SCARF1: variants seen among roughly 807,000 people sequenced by gnomAD.
SCARF1 encodes the protein scavenger receptor class F member 1.
Under a neutral mutation model 76.3 loss-of-function variants are expected in SCARF1, and 49 were observed. The observed-to-expected ratio is 0.64, with a 90% CI of 0.51 to 0.81. The LOEUF is 0.81. Ranked by LOEUF, SCARF1 falls within the 40% of genes least tolerant of loss-of-function variation. SCARF1 has a pLI of 0.00. For synonymous variants in SCARF1, 495 were observed against 474.6 expected (o/e 1.04, Z -0.56); for missense variants, 1,098 against 1,143.9 (o/e 0.96, Z 0.58).
rs574055670 is a variant in SCARF1, at chr17:1,639,378, G to A, written c.1243+261C>T. Among the ~76,000 whole-genome samples, 9 of 152,244 alleles carry A rather than the reference G, an allele frequency of 5.9e-5. No homozygotes were observed. The South Asian group carries it at 1.5e-3, about 25-fold the overall frequency. On this transcript the variant is annotated intron_variant, in intron 7 of 10. Transcript: ENST00000263071. ...AAATTAGCCAGGCATGGAGGCGTGCGCCTGTAATCCCAGCTACTCGAGAGG... is the reference window on the plus strand; with the variant it reads ...AAATTAGCCAGGCATGGAGGCGTGCACCTGTAATCCCAGCTACTCGAGAGG...
In SCARF1 at chr17:1,645,025, C is replaced by G. The variant is rs981301461; in HGVS notation, c.164-90G>C. 9 of 1,529,920 alleles carry G rather than the reference C, an allele frequency of 5.9e-6. No individual in the cohort carries two copies. In the African/African-American group the frequency reaches 1.2e-4, roughly 21 times the overall value. The allele number at this position is 1,529,920 out of a possible 1,614,324, so 94.8% of individuals were successfully genotyped here. ...ACTGGCTCCAGGGGCCATGCCTCCT[C>G]AAGAGGTGCCCCTTCAGGCCTGGGG... On this transcript the variant is annotated intron_variant, in intron 2 of 10. Transcript: ENST00000263071. This position sits in a 1 kb window ranked among gnomAD's most constrained non-coding sequence, Gnocchi z 6.3.
Position 1,645,551 on chromosome 17 carries a change from G to A in SCARF1, c.101+46C>T, listed in dbSNP as rs764814275. ...TCAGCCACCCGCATCAGACTCCCACGAGACCCACCTGCTGGCCACACGCAT... is the reference window on the plus strand; with the variant it reads ...TCAGCCACCCGCATCAGACTCCCACAAGACCCACCTGCTGGCCACACGCAT... On this transcript the variant is annotated intron_variant, in intron 1 of 10. Transcript: ENST00000263071. This position sits in a 1 kb window ranked among gnomAD's most constrained non-coding sequence, Gnocchi z 6.3. 3.8e-6 allele frequency: 6 copies of A among 1,579,432 alleles called. No homozygotes were observed. The highest frequency in any genetic ancestry group is 2.3e-5 in the South Asian group (2 of 88,080).
chr17:1,639,335 G>T (rs901761689), intron 7 of SCARF1, among the ~76,000 whole-genome samples: 4 of 152,132 alleles, frequency 2.6e-5, no homozygotes, highest in African/African-American at 9.7e-5. Context: ...GTGAAACCCT[G>T]TCTCTACTAA....
chr17:1,645,570 C>G lies in SCARF1; in HGVS notation c.101+27G>C. On this transcript the variant is annotated intron_variant, in intron 1 of 10. Coordinates refer to ENST00000263071, the MANE Select transcript of SCARF1 (RefSeq NM_003693.4). The surrounding 1 kb of genome is among the most constrained non-coding windows in gnomAD (Gnocchi z 6.3). ...TCCCACGAGACCCACCTGCTGGCCACACGCATCAGACTCCCACGAGACCCA... is the reference window on the plus strand; with the variant it reads ...TCCCACGAGACCCACCTGCTGGCCAGACGCATCAGACTCCCACGAGACCCA... 1 of 1,593,870 alleles carries G rather than the reference C, an allele frequency of 6.3e-7. No homozygotes were observed. Among genetic ancestry groups the G allele is most frequent in the Non-Finnish European group, 8.5e-7 (1 of 1,174,362 alleles).
chr17:1,636,815 G>T lies in SCARF1; in HGVS notation c.1527C>A (p.Phe509Leu), dbSNP rs1325716703. The T allele has an allele frequency of 1.2e-6, 2 of 1,613,998 alleles. No homozygotes were observed. Among genetic ancestry groups the T allele is most frequent in the Non-Finnish European group, 1.7e-6 (2 of 1,179,994 alleles). Reference sequence around the variant, plus strand: ...CCCAGCCGGCAGAGGGCGGCTCGATGAAGCTGTGGTTGAAGGGGACCTCCG... The same window carrying T: ...CCCAGCCGGCAGAGGGCGGCTCGATTAAGCTGTGGTTGAAGGGGACCTCCG... ...HDPEVPFNHS[F>L]IEPPSAGWAT... is the part of the protein sequence containing the mutation. The change falls in exon 10 of 11, where the codon TTC (phenylalanine) becomes TTA (leucine). Residue 509 changes from phenylalanine to leucine, a missense_variant. Coordinates refer to ENST00000263071, the MANE Select transcript of SCARF1 (RefSeq NM_003693.4).
Position 1,645,218 on chromosome 17 carries a change from G to T in SCARF1, c.123C>A (p.Cys41Ter). Residue 41 changes from cysteine to a stop codon, truncating the protein, a stop_gained, in exon 2 of 11, where the codon TGC (cysteine) becomes TGA (stop). Transcript: ENST00000263071. LOFTEE classifies it high-confidence loss of function. The surrounding 1 kb of genome is among the most constrained non-coding windows in gnomAD (Gnocchi z 6.3). ...VASSPSAELQ[C>*]CAGWRQKDQE... is the part of the protein sequence containing the mutation. ...GATCCTTCTGCCTCCAGCCTGCGCAGCACTGCAGCTCAGCAGAGGGGCTGT... is the reference window on the plus strand; with the variant it reads ...GATCCTTCTGCCTCCAGCCTGCGCATCACTGCAGCTCAGCAGAGGGGCTGT... 6.2e-7 allele frequency: 1 copy of T among 1,613,582 alleles called. No homozygotes were observed. The highest frequency in any genetic ancestry group is 8.5e-7 in the Non-Finnish European group (1 of 1,179,978).
Position 1,635,159 on chromosome 17 carries a change from G to C in SCARF1, c.2092C>G (p.Pro698Ala). 1 of 1,613,506 alleles carries C rather than the reference G, an allele frequency of 6.2e-7. No individual in the cohort carries two copies. The highest frequency in any genetic ancestry group is 8.5e-7 in the Non-Finnish European group (1 of 1,180,012). ...CGGACAGGGCCTTCGGATCCGCGGG[G>C]CTTCCCTGCCAGCATGTAGATCGTG... ...VTTIYMLAGK[P>A]RGSEGPVRSV... The change falls in exon 11 of 11, where the codon CCC becomes GCC. Residue 698 changes from proline (P) to alanine (A), a missense_variant. Pro to Ala is a conservative substitution (Grantham distance 27). Transcript: ENST00000263071.
chr17:1,645,530 C>T lies in SCARF1; in HGVS notation c.101+67G>A. ...CCTAACGGCCTCAACACCGGTTCAGCCACCCGCATCAGACTCCCACGAGAC... is the reference window on the plus strand; with the variant it reads ...CCTAACGGCCTCAACACCGGTTCAGTCACCCGCATCAGACTCCCACGAGAC... On this transcript the variant is annotated intron_variant, in intron 1 of 10. Transcript: ENST00000263071. This position sits in a 1 kb window ranked among gnomAD's most constrained non-coding sequence, Gnocchi z 6.3. The T allele has an allele frequency of 6.4e-7, 1 of 1,558,678 alleles. No individual in the cohort carries two copies. The highest frequency in any genetic ancestry group is 8.6e-7 in the Non-Finnish European group (1 of 1,158,698).
In SCARF1 at chr17:1,634,891, G is replaced by A. The variant is rs774498375; in HGVS notation, c.2360C>T (p.Ser787Leu). ...AGAGACTGGCTCCTGGGCTCTCCTT[G>A]AACTCTCGGTGCCAGCCCCCAGCCC... ...VRGLGAGTES[S>L]RRAQEPVSGC... Residue 787 changes from serine to leucine, a missense_variant, in exon 11 of 11, where the codon TCA becomes TTA. Transcript: ENST00000263071. The A allele has an allele frequency of 6.2e-7, 1 of 1,613,814 alleles. No homozygotes were observed. The highest frequency in any genetic ancestry group is 1.6e-4 in the Middle Eastern group (1 of 6,062).
intron 10 of SCARF1, among the ~76,000 whole-genome samples, 160 bp from the exon 11 acceptor site, chr17:1,635,777 C>A (rs536159476): frequency 2.4e-5 from 2 of 82,796 alleles, no homozygotes; most frequent in South Asian, 1.2e-3. Flanking sequence ...GACACTGTTA[C>A]TTCTACACTT....
In SCARF1 at chr17:1,635,113, C is replaced by A. The variant is rs765884105; in HGVS notation, c.2138G>T (p.Gly713Val). 1.2e-6 allele frequency: 2 copies of A among 1,613,906 alleles called. No homozygotes were observed. The highest frequency in any genetic ancestry group is 3.3e-5 in the Admixed American group (2 of 60,034). The change falls in exon 11 of 11, where the codon GGT (glycine) becomes GTT (valine). Residue 713 changes from glycine to valine, a missense_variant. By Grantham distance (109) the Gly-to-Val change is moderately radical. Transcript: ENST00000263071. The stretch of plus-strand genomic sequence containing the variant: ...TTCCGCCTGGCCTTTCTGGAAGCTA[C>A]CAAAATGGCGGAAGACAGAGCGGAC... Reference protein sequence around the residue: ...GPVRSVFRHFGSFQKGQAEAK... With the variant: ...GPVRSVFRHFVSFQKGQAEAK...
In SCARF1 at chr17:1,645,232, C is replaced by G; in HGVS notation, c.109G>C (p.Ala37Pro). 6.2e-7 allele frequency: 1 copy of G among 1,613,322 alleles called. No homozygotes were observed. The highest frequency in any genetic ancestry group is 8.5e-7 in the Non-Finnish European group (1 of 1,179,950). Residue 37 changes from alanine (A) to proline (P), a missense_variant, in exon 2 of 11, where the codon GCT becomes CCT. By Grantham distance (27) the Ala-to-Pro change is conservative. Transcript: ENST00000263071. The surrounding 1 kb of genome is among the most constrained non-coding windows in gnomAD (Gnocchi z 6.3). Reference protein sequence around the residue: ...QHVCVASSPSAELQCCAGWRQ... With the variant: ...QHVCVASSPSPELQCCAGWRQ... ...CAGCCTGCGCAGCACTGCAGCTCAG[C>G]AGAGGGGCTGTGGGGCAAAAAGGGG...
intron 8 of SCARF1, chr17:1,638,310 TAAACCA>T (rs1053674612): frequency 2.0e-5 from 3 of 152,870 alleles, no homozygotes; most frequent in African/African-American, 7.2e-5. Flanking sequence ...CACTCTCTGC[TAAACCA>T]CTGCACAGAC....
rs550950486 is a variant in SCARF1, at chr17:1,640,403, C to A, written c.1010+45G>T. 8 of 1,500,564 alleles carry A rather than the reference C, an allele frequency of 5.3e-6. No individual in the cohort carries two copies. The highest frequency in any genetic ancestry group is 6.3e-6 in the Non-Finnish European group (7 of 1,105,716). The allele number at this position is 1,500,564 out of a possible 1,614,324, so 93.0% of individuals were successfully genotyped here. A position where few individuals can be genotyped will look rare whatever the true frequency, so the allele number is the denominator to read the frequency against. ...CGGAGAGAGCCGCTGAGCTGAGGGT[C>A]CTGGGGGAAGGTGTACCCCACCCTG... On this transcript the variant is annotated intron_variant, in intron 5 of 10. Coordinates refer to ENST00000263071, the MANE Select transcript of SCARF1 (RefSeq NM_003693.4). This position sits in a 1 kb window ranked among gnomAD's most constrained non-coding sequence, Gnocchi z 4.7.
rs1910352556 is a variant in SCARF1 at position 1,644,480 on chromosome 17, G to A, written c.265+354C>T. The A allele has an allele frequency of 5.5e-6, 2 of 360,488 alleles. No homozygotes were observed. The highest frequency in any genetic ancestry group is 4.4e-5 in the Admixed American group (1 of 22,948). The allele number at this position is 360,488 out of a possible 1,614,324, so 22.3% of individuals were successfully genotyped here. Reference sequence around the variant, plus strand: ...CTCTCTTTCTGCCAGAGAGGGCAGAGAGCCCAGCCAGGGGCCCCCTTCCAT... The same window carrying A: ...CTCTCTTTCTGCCAGAGAGGGCAGAAAGCCCAGCCAGGGGCCCCCTTCCAT... On this transcript the variant is annotated intron_variant, in intron 3 of 10. Transcript: ENST00000263071. This position sits in a 1 kb window ranked among gnomAD's most constrained non-coding sequence, Gnocchi z 4.8.
Position 1,634,771 on chromosome 17 carries a change from G to A in SCARF1, c.2480C>T (p.Pro827Leu). 6.3e-7 allele frequency: 1 copy of A among 1,594,948 alleles called. No homozygotes were observed. ...AATTCAAGGTCATCAGGGTTCTGGT[G>A]GCCTGGAGATGGGTACAACATTCTC... is the stretch of plus-strand genomic sequence containing the variant. Reference protein sequence around the residue: ...EYENVVPISRPPEP With the variant: ...EYENVVPISRLPEP The change falls in exon 11 of 11, where the codon CCA becomes CTA. Residue 827 changes from proline to leucine, a missense_variant. By Grantham distance (98) the Pro-to-Leu change is moderately conservative. Coordinates refer to ENST00000263071, the MANE Select transcript of SCARF1 (RefSeq NM_003693.4).
Position 1,643,731 on chromosome 17 carries a change from C to T in SCARF1, c.502G>A (p.Ala168Thr), listed in dbSNP as rs903205480. ...TCRRPCQCNT[A>T]AARCEQATGA... Reference sequence around the variant, plus strand: ...GTGGCCTGCTCGCAGCGCGCCGCCGCGGTGTTGCACTGGCACGGGCGGCGG... The same window carrying T: ...GTGGCCTGCTCGCAGCGCGCCGCCGTGGTGTTGCACTGGCACGGGCGGCGG... Residue 168 changes from alanine (A) to threonine (T), a missense_variant, in exon 4 of 11, where the codon GCG becomes ACG. Transcript: ENST00000263071. 1.5e-6 allele frequency: 2 copies of T among 1,317,286 alleles called. No individual in the cohort carries two copies. Among genetic ancestry groups the T allele is most frequent in the African/African-American group, 1.6e-5 (1 of 64,504 alleles). 81.6% of individuals were successfully genotyped at this position (1,317,286 alleles called of 1,614,324 possible).
rs765891508 is a variant in SCARF1, at chr17:1,645,711, G to A, written c.-14C>T. On this transcript the variant is annotated 5_prime_UTR_variant, in exon 1 of 11. Transcript: ENST00000263071. This position sits in a 1 kb window ranked among gnomAD's most constrained non-coding sequence, Gnocchi z 6.3. The stretch of plus-strand genomic sequence containing the variant: ...CCCCAGCCCCATGGCAGGCAGCTCG[G>A]TGGGAGCGCTCGGGTTCGTCTGGCC... The A allele has an allele frequency of 3.8e-6, 6 of 1,586,510 alleles. No individual in the cohort carries two copies. In the Admixed American group the frequency reaches 1.0e-4, roughly 28 times the overall value.
At position 1,644,081 on chromosome 17, in the gene SCARF1, G is replaced by T. The variant is rs1286249339; in HGVS notation, c.266-114C>A. On this transcript the variant is annotated intron_variant, in intron 3 of 10. Transcript: ENST00000263071. The surrounding 1 kb of genome is among the most constrained non-coding windows in gnomAD (Gnocchi z 4.8). ...CTGGGCCCATCCTCCAAGAGCCGGG[G>T]ACAGACCCTCAGAACATCCGGCAGC... 2.4e-6 allele frequency: 2 copies of T among 843,766 alleles called. 1 individual carries two copies. The highest frequency in any genetic ancestry group is 6.7e-5 in the East Asian group (2 of 29,728). The allele number at this position is 843,766 out of a possible 1,614,324, so 52.3% of individuals were successfully genotyped here. A position where few individuals can be genotyped will look rare whatever the true frequency, so the allele number is the denominator to read the frequency against.
Sources: allele counts gnomAD v4.1 joint callset (sites outside exome capture counted in the v4.1 genomes callset), GRCh38; gene constraint gnomAD v4.1.1; non-coding constraint Gnocchi (gnomAD v3.1); transcripts MANE v1.5; gene names NCBI Gene and HGNC (gene_info 2026-07-23, HGNC 2026-07-21).